The following MYH14 variants were observed in gnomAD, a reference collection of about 807,000 sequenced individuals.
The protein encoded by MYH14 is myosin-14.
A neutral mutation model predicts 255.5 loss-of-function variants in MYH14; 123 were observed. That is an observed-to-expected ratio of 0.48 (90% CI 0.42 to 0.56). The LOEUF is 0.56. Ranked by LOEUF, MYH14 falls within the 20% of genes least tolerant of loss-of-function variation. MYH14 has a pLI of 0.00. For missense variants in MYH14, 2,423 were observed against 2,802.3 expected (o/e 0.86, Z 3.06); for synonymous variants, 1,095 against 1,161.2 (o/e 0.94, Z 1.16).
intron 8 of MYH14, among the ~76,000 whole-genome samples, chr19:50,229,407 G>A (rs1357582696): frequency 6.6e-6 from 1 of 152,176 alleles, no homozygotes; most frequent in African/African-American, 2.4e-5. Flanking sequence ...CAGCACTTTG[G>A]GAGGCTAAGG....
chr19:50,277,777 C>T (rs927606006), intron 29 of MYH14, among the ~76,000 whole-genome samples: 13 of 151,860 alleles, frequency 8.6e-5, no homozygotes, highest in Admixed American at 2.0e-4. Context: ...ATTAGCCGGG[C>T]GTGGTGGTGG....
chr19:50,267,583 C>T (rs1052114601), intron 23 of MYH14, among the ~76,000 whole-genome samples: 1 of 149,040 alleles, frequency 6.7e-6, no homozygotes, highest in Non-Finnish European at 1.5e-5. Flanking sequence ...ATGGCGCCAC[C>T]GCACTCCAGC....
At chr19:50,303,550 G>C (rs2036562752) in intron 40 of MYH14, among the ~76,000 whole-genome samples, 1 of 152,202 alleles carries the variant, frequency 6.6e-6, no homozygotes, top group Admixed American at 6.5e-5. Context: ...AGATATGACT[G>C]TTTGATAGGA....
intron 40 of MYH14, among the ~76,000 whole-genome samples, chr19:50,303,134 G>A (rs947538964): frequency 6.6e-6 from 1 of 152,156 alleles, no homozygotes; most frequent in Non-Finnish European, 1.5e-5. Context: ...TATTGCTTAT[G>A]AGTCTTTGGC....
chr19:50,206,210 G>C (rs556926413), intron 1 of MYH14, among the ~76,000 whole-genome samples: 1 of 152,092 alleles, frequency 6.6e-6, no homozygotes, highest in Admixed American at 6.5e-5. Context: ...CAATCCATAG[G>C]AGGAGGGGGC....
At chr19:50,272,480 T>TG in intron 26 of MYH14, 80 bp from the exon 27 acceptor site, 1 of 1,446,462 alleles carries the variant, frequency 6.9e-7, no homozygotes, top group Non-Finnish European at 9.5e-7. Context: ...TATATGTGAC[T>TG]GGGGACCTGT....
chr19:50,207,245 G>GAGAGAGAGAA (rs1568458211), intron 1 of MYH14, among the ~76,000 whole-genome samples: 19 of 137,108 alleles, frequency 1.4e-4, no homozygotes, highest in African/African-American at 5.4e-4. Flanking sequence ...AAAAGAGAGA[G>GAGAGAGAGAA]AGAGAGAGAG....
intron 13 of MYH14, 197 bp from the exon 14 acceptor site, chr19:50,249,453 G>A (rs2034271229): frequency 3.1e-6 from 2 of 645,048 alleles, no homozygotes; most frequent in Non-Finnish European, 5.1e-6. Flanking sequence ...CTGTCTCTGG[G>A]TCTCTGTCCC....
intron 6 of MYH14, among the ~76,000 whole-genome samples, chr19:50,225,246 A>G (rs144753897): frequency 5.3e-5 from 8 of 152,324 alleles, no homozygotes; most frequent in African/African-American, 1.9e-4. Flanking sequence ...AAACATGTAT[A>G]TATCTGTAGA....
Position 50,272,589 on chromosome 19 carries a change from C to G in MYH14, c.3325C>G (p.Gln1109Glu), listed in dbSNP as rs867257103. 1 of 1,579,744 alleles carries G rather than the reference C, an allele frequency of 6.3e-7. No individual in the cohort carries two copies. The highest frequency in any genetic ancestry group is 8.6e-7 in the Non-Finnish European group (1 of 1,163,728). The change falls in exon 27 of 43, where the codon CAG becomes GAG. Residue 1109 changes from glutamine (Q) to glutamate (E), a missense_variant. Gln to Glu is a conservative substitution (Grantham distance 29). This residue lies in a region of MYH14 where 1,513 missense variants were observed against 1,674.8 expected (regional missense o/e 0.90). Transcript: ENST00000642316. ...CCTACGGAAGGAGGAGAAGGGTCGCCAGGAGCTGGAGAAGCTGAAGCGGAG... is the reference window on the plus strand; with the variant it reads ...CCTACGGAAGGAGGAGAAGGGTCGCGAGGAGCTGGAGAAGCTGAAGCGGAG... ...DRLRKEEKGR[Q>E]ELEKLKRRLD...
chr19:50,271,665 G>C, intron 25 of MYH14, 119 bp downstream of exon 25: 1 of 1,468,136 alleles, frequency 6.8e-7, no homozygotes, highest in Non-Finnish European at 9.2e-7. Context: ...CACCGGTGGG[G>C]GTGGGATGGG....
chr19:50,272,684 G>A lies in MYH14; in HGVS notation c.3420G>A (p.Arg1140=), dbSNP rs2035352963. 6.4e-7 allele frequency: 1 copy of A among 1,552,658 alleles called. No individual in the cohort carries two copies. The highest frequency in any genetic ancestry group is 8.7e-7 in the Non-Finnish European group (1 of 1,148,576). The change falls in exon 27 of 43, where the codon CGG becomes CGA. Residue 1140 remains arginine, a synonymous_variant. Coordinates refer to ENST00000642316, the MANE Select transcript of MYH14 (RefSeq NM_001145809.2). Reference sequence around the variant, plus strand: ...AGCAACAGCGGGCAGAGGAGCTGCGGGCCCAGCTGGGCCGGAAGGAGGAGG... The same window carrying A: ...AGCAACAGCGGGCAGAGGAGCTGCGAGCCCAGCTGGGCCGGAAGGAGGAGG... ...VEQQQRAEEL[R]AQLGRKEEEL...
chr19:50,260,890 TGTGTGTGTGCATGC>T (rs2034823072), intron 20 of MYH14, among the ~76,000 whole-genome samples, 175 bp downstream of exon 20: 1 of 148,424 alleles, frequency 6.7e-6, no homozygotes, highest in South Asian at 2.1e-4. Flanking sequence ...TGTGTGCATG[TGTGTGTGTGCATGC>T]GTTTGTGTGC....
intron 21 of MYH14, 149 bp downstream of exon 21, chr19:50,261,784 G>C: frequency 1.5e-6 from 1 of 671,304 alleles, no homozygotes; most frequent in Non-Finnish European, 2.3e-6. Context: ...AGGCTTCTTG[G>C]TTCTGCAGTC....
intron 16 of MYH14, among the ~76,000 whole-genome samples, chr19:50,254,172 G>A (rs1005882497): frequency 1.1e-4 from 16 of 150,872 alleles, no homozygotes; most frequent in East Asian, 3.9e-4. Context: ...AGCCGAGATC[G>A]TGCCATTGCA....
chr19:50,227,482 A>C (rs2033166162), intron 8 of MYH14, among the ~76,000 whole-genome samples: 1 of 152,038 alleles, frequency 6.6e-6, no homozygotes, highest in African/African-American at 2.4e-5. Context: ...AGTATGAACC[A>C]AAATTCCACA....
intron 1 of MYH14, among the ~76,000 whole-genome samples, chr19:50,207,266 AGAGAC>A: frequency 8.0e-6 from 1 of 124,452 alleles, no homozygotes; most frequent in South Asian, 3.1e-4. Context: ...AAAGAGAGAG[AGAGAC>A]AGAGAGAGAG....
chr19:50,215,222 G>GA (rs1291723758), intron 2 of MYH14, among the ~76,000 whole-genome samples: 1 of 152,060 alleles, frequency 6.6e-6, no homozygotes, highest in African/African-American at 2.4e-5. Flanking sequence ...GCCAGGGTGG[G>GA]AGGGTGGCGT....
At chr19:50,251,539 C>CATATATATAT (rs1568500589) in intron 15 of MYH14, among the ~76,000 whole-genome samples, 43 of 139,410 alleles carry the variant, frequency 3.1e-4, no homozygotes, top group African/African-American at 1.2e-3. Flanking sequence ...CACACACACA[C>CATATATATAT]ACACACACAC....
Sources: gnomAD v4.1 joint callset for allele counts (sites outside exome capture counted in the v4.1 genomes callset) on GRCh38, gnomAD v4.1.1 for gene constraint, gnomAD v4.1.1 regional missense constraint, MANE v1.5 for transcripts, NCBI Gene and HGNC (gene_info 2026-07-23, HGNC 2026-07-21) for gene names.